PDE1A: variants seen among roughly 807,000 people sequenced by gnomAD.
The protein encoded by PDE1A is phosphodiesterase 1A, also known as dual specificity calcium/calmodulin-dependent 3',5'-cyclic nucleotide phosphodiesterase 1A.
Under a neutral mutation model 61.7 loss-of-function variants are expected in PDE1A, and 35 were observed. The ratio of observed to expected loss-of-function variants is 0.57; its 90% CI spans 0.43 to 0.75. The LOEUF is 0.75. PDE1A is among the 30% of genes least tolerant of loss of function. PDE1A has a pLI of 0.00. For missense variants in PDE1A, 597 were observed against 630.6 expected, an observed-to-expected ratio of 0.95 and a Z score of 0.57; for synonymous variants, 232 against 213.2, an observed-to-expected ratio of 1.09 and a Z score of -0.77.
chr2:182,646,849 T>C, the PDE1A span, among the ~76,000 whole-genome samples: 1 of 152,180 alleles, frequency 6.6e-6, no homozygotes, highest in Non-Finnish European at 1.5e-5. Context: ...TTTGAAAACA[T>C]TGGCAGTGCC....
intron 2 of PDE1A, among the ~76,000 whole-genome samples, chr2:182,503,084 C>G (rs938828875): frequency 7.7e-6 from 1 of 129,798 alleles, no homozygotes; most frequent in Admixed American, 7.9e-5. Flanking sequence ...TACACACACA[C>G]ACAGCATTGT....
chr2:182,211,673 T>C (rs1206489308), intron 7 of PDE1A, among the ~76,000 whole-genome samples: 7 of 152,230 alleles, frequency 4.6e-5, no homozygotes, highest in African/African-American at 1.4e-4. Context: ...GTATTACTTA[T>C]TTCATCAAAG....
intron 7 of PDE1A, among the ~76,000 whole-genome samples, chr2:182,207,172 G>A (rs1687178429): frequency 6.6e-6 from 1 of 152,220 alleles, no homozygotes; most frequent in Admixed American, 6.5e-5. Flanking sequence ...ATATGGGAAA[G>A]TCTGGAACTT....
intron 1 of PDE1A, among the ~76,000 whole-genome samples, chr2:182,318,474 T>C (rs1171955065): frequency 1.3e-5 from 2 of 152,156 alleles, no homozygotes; most frequent in African/African-American, 4.8e-5. Flanking sequence ...AACAATGTTA[T>C]ACACATAAGT....
At chr2:182,255,229 T>A (rs552537207) in intron 2 of PDE1A, among the ~76,000 whole-genome samples, 8 of 152,362 alleles carry the variant, frequency 5.3e-5, no homozygotes, top group Admixed American at 3.3e-4. Context: ...ATTTTGGCCA[T>A]GAAAGCCAAT....
At chr2:182,511,881 C>T (rs1689817782) in intron 2 of PDE1A, among the ~76,000 whole-genome samples, 1 of 152,290 alleles carries the variant, frequency 6.6e-6, no homozygotes, top group East Asian at 1.9e-4. Flanking sequence ...TGCAGATGGG[C>T]CCCTGCCAGT....
intron 1 of PDE1A, among the ~76,000 whole-genome samples, chr2:182,343,058 A>C (rs1698297805): frequency 6.6e-6 from 1 of 152,238 alleles, no homozygotes; most frequent in Non-Finnish European, 1.5e-5. Flanking sequence ...TTATAATTGG[A>C]CTATGGAGTG....
At chr2:182,665,967 C>G in the PDE1A span, among the ~76,000 whole-genome samples, 1 of 152,058 alleles carries the variant, frequency 6.6e-6, no homozygotes, top group African/African-American at 2.4e-5. Context: ...AACACAGGAA[C>G]AGAAAAGGAA....
intron 1 of PDE1A, among the ~76,000 whole-genome samples, chr2:182,285,376 A>G (rs556489999): frequency 6.6e-6 from 1 of 152,068 alleles, no homozygotes; most frequent in African/African-American, 2.4e-5. Flanking sequence ...TTTAAAATGC[A>G]TGAACCGACC....
chr2:182,233,656 A>C (rs1005395372), intron 4 of PDE1A, among the ~76,000 whole-genome samples: 1 of 152,162 alleles, frequency 6.6e-6, no homozygotes, highest in Non-Finnish European at 1.5e-5. Context: ...AGAAAAACCA[A>C]TATGCAGATG....
At chr2:182,466,765 T>C (rs1686699048) in intron 2 of PDE1A, among the ~76,000 whole-genome samples, 1 of 151,970 alleles carries the variant, frequency 6.6e-6, no homozygotes, top group African/African-American at 2.4e-5. Flanking sequence ...AGCACACAAA[T>C]GGATCATTAT....
rs142753871 is a variant in PDE1A at position 182,350,080 on chromosome 2, T to C, written c.53+76498A>G. On this transcript the variant is annotated intron_variant, in intron 1 of 13. Coordinates refer to ENST00000351439, the Ensembl canonical transcript of PDE1A. The stretch of plus-strand genomic sequence containing the variant: ...GTACTTATCCTGCCCCCACCGAGTG[T>C]AACCATTACTGTGACTTCTAACACC... 4.5e-3 allele frequency among the ~76,000 whole-genome samples: 687 copies of C among 152,294 alleles called. 5 individuals carry two copies. Among genetic ancestry groups the C allele is most frequent in the African/African-American group, 0.016 (658 of 41,570 alleles).
the PDE1A span, among the ~76,000 whole-genome samples, chr2:182,539,958 T>A: frequency 6.6e-6 from 1 of 152,206 alleles, no homozygotes; most frequent in South Asian, 2.1e-4. Flanking sequence ...AGAAAGCTTT[T>A]TATTGTAGCA....
the PDE1A span, among the ~76,000 whole-genome samples, chr2:182,557,022 C>T: frequency 1.6e-3 from 245 of 152,302 alleles, 1 homozygote; most frequent in African/African-American, 5.6e-3. Context: ...AGGCTGGGCA[C>T]GGTGGCTCAT....
chr2:182,691,919 A>G, the PDE1A span, among the ~76,000 whole-genome samples: 1 of 152,232 alleles, frequency 6.6e-6, no homozygotes, highest in Non-Finnish European at 1.5e-5. Flanking sequence ...ACAGACACGA[A>G]AAAATGCTCA....
At chr2:182,526,178 T>C (rs182925857), upstream of PDE1A, among the ~76,000 whole-genome samples, 30 of 152,276 alleles carry the variant, frequency 2.0e-4, no homozygotes, top group Non-Finnish European at 2.5e-4. Flanking sequence ...AGAAAATATC[T>C]TAATTTCTGA....
At chr2:182,299,536 A>T (rs1695096797) in intron 1 of PDE1A, among the ~76,000 whole-genome samples, 1 of 149,678 alleles carries the variant, frequency 6.7e-6, no homozygotes, top group African/African-American at 2.5e-5. Context: ...TCTCCATCAT[A>T]TTCCCAATTA....
intron 1 of PDE1A, among the ~76,000 whole-genome samples, chr2:182,328,366 T>C (rs115173561): frequency 0.011 from 1,726 of 152,300 alleles, 12 homozygotes; most frequent in Middle Eastern, 0.017. Flanking sequence ...TTATTTGGGT[T>C]TTGCCAGAAG....
the PDE1A span, among the ~76,000 whole-genome samples, chr2:182,557,745 AAAAT>A: frequency 2.6e-5 from 4 of 151,880 alleles, no homozygotes; most frequent in African/African-American, 9.7e-5. Context: ...ATAAATAAAT[AAAAT>A]AAAAAAGTCT....
Sources: gnomAD v4.1 joint callset for allele counts (sites outside exome capture counted in the v4.1 genomes callset) on GRCh38, gnomAD v4.1.1 for gene constraint, MANE v1.5 for transcripts, NCBI Gene and HGNC (gene_info 2026-07-23, HGNC 2026-07-21) for gene names.